WDR62: variants seen among roughly 807,000 people sequenced by gnomAD.
WDR62 encodes WD repeat-containing protein 62.
WDR62 carries 112 observed loss-of-function variants against 160.6 expected under a neutral mutation model. That is an observed-to-expected ratio of 0.70 (90% CI 0.60 to 0.82). The LOEUF (loss-of-function observed/expected upper bound fraction) is 0.82, where lower values mean the gene tolerates loss of function less well. WDR62 is among the 40% of genes least tolerant of loss of function. The probability of loss-of-function intolerance (pLI) is 0.00; values close to 1 mark genes in which losing one functional copy is unlikely to be tolerated. For missense variants in WDR62, 1,819 were observed against 1,983.8 expected (o/e 0.92, Z 1.58); for synonymous variants, 792 against 815.1 (o/e 0.97, Z 0.48).
intron 10 of WDR62, chr19:36,081,872 T>C (rs1034793246): frequency 2.3e-5 from 12 of 533,070 alleles, no homozygotes; most frequent in Non-Finnish European, 4.3e-5. Context: ...AATTGCTTCC[T>C]AAGTCTTGAG....
At chr19:36,076,701 G>C (rs1252219742) in intron 9 of WDR62, among the ~76,000 whole-genome samples, 2 of 151,940 alleles carry the variant, frequency 1.3e-5, no homozygotes, top group East Asian at 1.9e-4. Context: ...TAAGGACACA[G>C]GGGATGGTGG....
In WDR62 at chr19:36,089,111, G is replaced by A; in HGVS notation, c.1836+6G>A. 1 of 1,614,084 alleles carries A rather than the reference G, an allele frequency of 6.2e-7. No individual in the cohort carries two copies. Among genetic ancestry groups the A allele is most frequent in the Admixed American group, 1.7e-5 (1 of 60,010 alleles). ...ACTTTCGCAGTGCCCAGCAGGTAGG[G>A]TGGCATGGCCTCCTTGGGGGCTGGG... On this transcript the variant is annotated splice_donor_region_variant and intron_variant, in intron 14 of 31. Coordinates refer to ENST00000401500, the MANE Select transcript of WDR62 (RefSeq NM_001083961.2).
Position 36,089,026 on chromosome 19 carries a change from C to T in WDR62, c.1769-12C>T, listed in dbSNP as rs746330175. On this transcript the variant is annotated splice_polypyrimidine_tract_variant and intron_variant, in intron 13 of 31. Coordinates refer to ENST00000401500, the MANE Select transcript of WDR62 (RefSeq NM_001083961.2). Reference sequence around the variant, plus strand: ...CCAGCCCTGCCTAACACACAGCGTCCTCCTCCCCTAGGCAACAGAGACATC... The same window carrying T: ...CCAGCCCTGCCTAACACACAGCGTCTTCCTCCCCTAGGCAACAGAGACATC... The T allele has an allele frequency of 1.1e-5, 17 of 1,613,664 alleles. No individual in the cohort carries two copies. In the Admixed American group the frequency reaches 2.7e-4, roughly 25 times the overall value.
chr19:36,071,727 G>A lies in WDR62; in HGVS notation c.1043+11G>A, dbSNP rs753533612. ...GGGCCTGGAGCCCAGGTACTGCCCT[G>A]TGGGGAGAGGGAATGGGAGGGGCCC... On this transcript the variant is annotated intron_variant, in intron 8 of 31. Transcript: ENST00000401500. The A allele has an allele frequency of 1.2e-6, 2 of 1,607,314 alleles. No individual in the cohort carries two copies. The highest frequency in any genetic ancestry group is 2.2e-5 in the East Asian group (1 of 44,698).
Position 36,100,822 on chromosome 19 carries a change from T to C in WDR62, c.2814T>C (p.Ser938=), listed in dbSNP as rs759280288. Residue 938 remains serine, a synonymous_variant, in exon 23 of 32, where the codon AGT becomes AGC. Transcript: ENST00000401500. ...AGCAGAAGGAATCATCTGAGGCCAG[T>C]GAGCTCATCCTCTACTCTCTGGAGG... ...LPQQKESSEA[S]ELILYSLEAE... 49 of 1,613,888 alleles carry C rather than the reference T, an allele frequency of 3.0e-5. 1 individual carries two copies. Among genetic ancestry groups the C allele is most frequent in the Non-Finnish European group, 1.7e-6 (2 of 1,179,826 alleles).
intron 9 of WDR62, among the ~76,000 whole-genome samples, chr19:36,078,152 G>GTT (rs60096728): frequency 0.025 from 3,468 of 138,216 alleles, 87 homozygotes; most frequent in African/African-American, 0.067. Context: ...AAGTTTTTTT[G>GTT]TTTTTTTTTT....
At position 36,085,413 on chromosome 19, in the gene WDR62, C is replaced by CT. The variant is rs1568349717; in HGVS notation, c.1642+669_1642+670insT. On this transcript the variant is annotated intron_variant, in intron 12 of 31. Transcript: ENST00000401500. The stretch of plus-strand genomic sequence containing the variant: ...TTAGGGCATGAGCCACCACACCTGA[C>CT]CTTTTTTTTTTTTTTTTTTTTTTTG... Among the ~76,000 whole-genome samples the CT allele has an allele frequency of 4.2e-5, 2 of 47,216 alleles. 1 individual carries two copies. The highest frequency in any genetic ancestry group is 1.3e-4 in the African/African-American group (2 of 15,328). The allele number at this position is 47,216 out of a possible 152,430, so 31.0% of individuals were successfully genotyped here.
chr19:36,071,515 G>C, intron 7 of WDR62, 41 bp from the exon 8 acceptor site: 2 of 1,614,044 alleles, frequency 1.2e-6, no homozygotes, highest in Non-Finnish European at 1.7e-6. Flanking sequence ...GCCAGGCCAC[G>C]TGAAGCACCA....
At chr19:36,091,154 G>A in intron 16 of WDR62, 46 bp from the exon 17 acceptor site, 1 of 1,552,586 alleles carries the variant, frequency 6.4e-7, no homozygotes, top group South Asian at 1.1e-5. Flanking sequence ...TCATCATAAG[G>A]AAGAAGCAGG....
chr19:36,109,589 C>T (rs1973769984), downstream of WDR62, among the ~76,000 whole-genome samples: 1 of 149,388 alleles, frequency 6.7e-6, no homozygotes, highest in Admixed American at 6.7e-5. Context: ...CAAAAATTAG[C>T]CGGGTGTGGT....
At position 36,071,371 on chromosome 19, in the gene WDR62, CTT is replaced by C. The variant is rs1971288162; in HGVS notation, c.883-183_883-182del. 1.3e-4 allele frequency among the ~76,000 whole-genome samples: 20 copies of C among 152,310 alleles called. No homozygotes were observed. The South Asian group carries it at 4.1e-3, about 32-fold the overall frequency. Reference sequence around the variant, plus strand: ...CCTCTGCCTACCTGCTGGCACATGTCTTTCAATAGCAGCAGTATGCTATATCC... The same window carrying C: ...CCTCTGCCTACCTGCTGGCACATGTCTCAATAGCAGCAGTATGCTATATCC... On this transcript the variant is annotated intron_variant, in intron 7 of 31. Coordinates refer to ENST00000401500, the MANE Select transcript of WDR62 (RefSeq NM_001083961.2).
chr19:36,089,070 G>T lies in WDR62; in HGVS notation c.1801G>T (p.Ala601Ser). Residue 601 changes from alanine (A) to serine (S), a missense_variant, in exon 14 of 32, where the codon GCT becomes TCT. This residue lies in a region of WDR62 where 934 missense variants were observed against 1,157.2 expected (regional missense o/e 0.81). Coordinates refer to ENST00000401500, the MANE Select transcript of WDR62 (RefSeq NM_001083961.2). ...AGACATCCAGATGATCAGCTGTGGG[G>T]CTGACAAGAGCATCTACTTTCGCAG... ...NRDIQMISCG[A>S]DKSIYFRSAQ... 1.9e-6 allele frequency: 3 copies of T among 1,614,140 alleles called. No homozygotes were observed. The highest frequency in any genetic ancestry group is 2.5e-6 in the Non-Finnish European group (3 of 1,180,034).
chr19:36,081,627 T>C, intron 10 of WDR62, 57 bp downstream of exon 10: 1 of 1,612,696 alleles, frequency 6.2e-7, no homozygotes, highest in Non-Finnish European at 8.5e-7. Flanking sequence ...TACTGTAAGC[T>C]TGAATGCAGG....
At chr19:36,065,259 T>C (rs952448922) in intron 3 of WDR62, among the ~76,000 whole-genome samples, 5 of 152,182 alleles carry the variant, frequency 3.3e-5, no homozygotes, top group Admixed American at 1.3e-4. Context: ...TGCCAAAGTC[T>C]CACTTAGCGA....
At chr19:36,098,263 TAAA>T (rs570573692) in intron 21 of WDR62, among the ~76,000 whole-genome samples, 6 of 140,580 alleles carry the variant, frequency 4.3e-5, no homozygotes, top group African/African-American at 1.3e-4. Flanking sequence ...CCTTGTCTCT[TAAA>T]AAAAAAAAAA....
chr19:36,084,889 CCT>C, intron 12 of WDR62, 145 bp downstream of exon 12: 1 of 760,572 alleles, frequency 1.3e-6, no homozygotes, highest in Non-Finnish European at 2.2e-6. Context: ...GTAGCTGGAC[CCT>C]GAGACCAGAG....
At position 36,101,689 on chromosome 19, in the gene WDR62, G is replaced by A. The variant is rs1277522860; in HGVS notation, c.2997G>A (p.Leu999=). Residue 999 remains leucine (L), a synonymous_variant, in exon 25 of 32, where the codon CTG becomes CTA. Coordinates refer to ENST00000401500, the MANE Select transcript of WDR62 (RefSeq NM_001083961.2). Reference sequence around the variant, plus strand: ...ACTCGGGGGAGTCAGAGGCCGACCTGGAGTGCAGCTTCGCAGCCATCCACT... The same window carrying A: ...ACTCGGGGGAGTCAGAGGCCGACCTAGAGTGCAGCTTCGCAGCCATCCACT... The part of the protein sequence containing the change: ...PEDSGESEAD[L]ECSFAAIHSP... The A allele has an allele frequency of 4.5e-6, 7 of 1,551,000 alleles. No homozygotes were observed. In the East Asian group the frequency reaches 1.5e-4, roughly 32 times the overall value.
chr19:36,067,689 G>A, intron 6 of WDR62, 139 bp from the exon 7 acceptor site: 1 of 1,097,098 alleles, frequency 9.1e-7, no homozygotes, highest in Non-Finnish European at 1.3e-6. Flanking sequence ...TGTCCAGAGT[G>A]GCAGGGTTCT....
intron 1 of WDR62, among the ~76,000 whole-genome samples, chr19:36,057,114 CAA>C (rs1170238061): frequency 6.6e-6 from 1 of 152,140 alleles, no homozygotes; most frequent in Non-Finnish European, 1.5e-5. Flanking sequence ...TGTGCCCCGC[CAA>C]GTTATGAACT....
Sources: allele counts gnomAD v4.1 joint callset (sites outside exome capture counted in the v4.1 genomes callset), GRCh38; gene constraint gnomAD v4.1.1; regional missense constraint gnomAD v4.1.1; transcripts MANE v1.5; gene names NCBI Gene and HGNC (gene_info 2026-07-23, HGNC 2026-07-21).